The following AGMO variants were observed in gnomAD, a reference collection of about 807,000 sequenced individuals.
AGMO encodes glyceryl-ether monooxygenase.
Under a neutral mutation model 60.2 loss-of-function variants are expected in AGMO, and 75 were observed. That is an observed-to-expected ratio of 1.25 (90% CI 1.03 to 1.51). The LOEUF (loss-of-function observed/expected upper bound fraction) is 1.51. Ranked by LOEUF, AGMO falls within the 40% of genes most tolerant of loss-of-function variation. The pLI is 0.00. For missense variants in AGMO, 763 were observed against 525.5 expected (o/e 1.45, Z -4.42); for synonymous variants, 261 against 177.1 (o/e 1.47, Z -3.76).
At chr7:15,473,750 T>A (rs1439605505) in intron 3 of AGMO, among the ~76,000 whole-genome samples, 4 of 151,946 alleles carry the variant, frequency 2.6e-5, no homozygotes, top group Non-Finnish European at 5.9e-5. Flanking sequence ...GGTATTCAAA[T>A]AGGAAGAGAC....
At chr7:15,268,468 A>T (rs1289925886) in intron 12 of AGMO, among the ~76,000 whole-genome samples, 1 of 152,040 alleles carries the variant, frequency 6.6e-6, no homozygotes, top group African/African-American at 2.4e-5. Context: ...CAAAAAGAAA[A>T]ATGTATGCAT....
At chr7:15,287,138 G>A (rs1044892925) in intron 12 of AGMO, among the ~76,000 whole-genome samples, 3 of 151,992 alleles carry the variant, frequency 2.0e-5, no homozygotes, top group Non-Finnish European at 2.9e-5. Context: ...CACTACTCAG[G>A]TGATGAATGC....
chr7:15,219,284 T>C (rs961799667), intron 12 of AGMO, among the ~76,000 whole-genome samples: 6 of 152,174 alleles, frequency 3.9e-5, no homozygotes, highest in Non-Finnish European at 4.4e-5. Flanking sequence ...AGACATCTAA[T>C]ATAATCTAGA....
At chr7:15,348,967 T>G (rs1023328687) in intron 12 of AGMO, among the ~76,000 whole-genome samples, 3 of 152,156 alleles carry the variant, frequency 2.0e-5, no homozygotes, top group African/African-American at 4.8e-5. Context: ...TGCATTTTGA[T>G]TAAACACTTC....
At chr7:15,219,661 G>A (rs541804118) in intron 12 of AGMO, among the ~76,000 whole-genome samples, 74 of 152,262 alleles carry the variant, frequency 4.9e-4, no homozygotes, top group African/African-American at 1.7e-3. Context: ...AGGCTGTGGT[G>A]TGGAGAATGA....
chr7:15,243,027 G>T (rs1039937991), intron 12 of AGMO, among the ~76,000 whole-genome samples: 1 of 151,918 alleles, frequency 6.6e-6, no homozygotes, highest in Non-Finnish European at 1.5e-5. Context: ...GGAATTTAAT[G>T]TATCACTTTA....
chr7:15,544,580 T>A (rs1784722720), intron 3 of AGMO, among the ~76,000 whole-genome samples, 192 bp downstream of exon 3: 1 of 152,176 alleles, frequency 6.6e-6, no homozygotes, highest in Non-Finnish European at 1.5e-5. Flanking sequence ...TAATTTCATA[T>A]CATTTTTAAA....
intron 2 of AGMO, among the ~76,000 whole-genome samples, chr7:15,554,162 C>G (rs1203179059): frequency 1.3e-5 from 2 of 151,998 alleles, no homozygotes; most frequent in Non-Finnish European, 2.9e-5. Flanking sequence ...TCTCAGAAGA[C>G]CTTGAATCAT....
At chr7:15,376,711 A>C (rs1244190539) in intron 10 of AGMO, among the ~76,000 whole-genome samples, 1 of 152,098 alleles carries the variant, frequency 6.6e-6, no homozygotes, top group African/African-American at 2.4e-5. Flanking sequence ...CTAGTGCAAT[A>C]CATATTATAC....
intron 3 of AGMO, among the ~76,000 whole-genome samples, chr7:15,517,906 A>C (rs1340786785): frequency 6.6e-6 from 1 of 152,170 alleles, no homozygotes; most frequent in Non-Finnish European, 1.5e-5. Flanking sequence ...GAGCCCAGCA[A>C]GCTAAGATCC....
chr7:15,129,346 A>G, the AGMO span, among the ~76,000 whole-genome samples: 19 of 152,088 alleles, frequency 1.2e-4, no homozygotes, highest in African/African-American at 4.1e-4. Flanking sequence ...TTTTATTTCT[A>G]CCATGTAGTT....
intron 5 of AGMO, among the ~76,000 whole-genome samples, chr7:15,414,903 C>A (rs948443922): frequency 6.6e-6 from 1 of 151,960 alleles, no homozygotes; most frequent in African/African-American, 2.4e-5. Flanking sequence ...TTTTTTAAGT[C>A]TCTATAATAA....
intron 3 of AGMO, among the ~76,000 whole-genome samples, chr7:15,533,476 G>A (rs917828145): frequency 6.6e-6 from 1 of 151,956 alleles, no homozygotes; most frequent in African/African-American, 2.4e-5. Context: ...CTATAAATAT[G>A]ATTTATATAT....
intron 10 of AGMO, among the ~76,000 whole-genome samples, chr7:15,374,469 T>C (rs1040697697): frequency 2.6e-5 from 4 of 152,134 alleles, no homozygotes; most frequent in South Asian, 4.1e-4. Context: ...AAAGATTACA[T>C]TGTATTTTAT....
At chr7:15,558,336 C>T (rs1785205879) in intron 2 of AGMO, among the ~76,000 whole-genome samples, 1 of 151,878 alleles carries the variant, frequency 6.6e-6, no homozygotes, top group Non-Finnish European at 1.5e-5. Flanking sequence ...GACCCATAAT[C>T]GTATATACAG....
intron 3 of AGMO, among the ~76,000 whole-genome samples, chr7:15,431,485 G>T (rs988586095): frequency 2.6e-5 from 4 of 151,896 alleles, no homozygotes; most frequent in African/African-American, 9.6e-5. Context: ...ATTTTTCAGC[G>T]TGTGATAACA....
chr7:15,555,435 G>A lies in AGMO; in HGVS notation c.257+4706C>T, dbSNP rs190963016. ...CTGAATCCAGGAGTTTGCACTGCCCGTCTGTAAAGCTACTGCCACTTTTGC... is the reference window on the plus strand; with the variant it reads ...CTGAATCCAGGAGTTTGCACTGCCCATCTGTAAAGCTACTGCCACTTTTGC... On this transcript the variant is annotated intron_variant, in intron 2 of 12. Coordinates refer to ENST00000342526, the MANE Select transcript of AGMO (RefSeq NM_001004320.2). Among the ~76,000 whole-genome samples the A allele has an allele frequency of 9.5e-4, 144 of 151,400 alleles. 1 individual carries two copies. Among genetic ancestry groups the A allele is most frequent in the Admixed American group, 5.7e-3 (87 of 15,184 alleles).
rs1783788428 is a variant in AGMO, at chr7:15,383,658, ATTT to A, written c.1074+1785_1074+1787del. Among the ~76,000 whole-genome samples, 3 of 152,028 alleles carry A rather than the reference ATTT, an allele frequency of 2.0e-5. No homozygotes were observed. In the South Asian group the frequency reaches 6.2e-4, roughly 32 times the overall value. On this transcript the variant is annotated intron_variant, in intron 10 of 12. Coordinates refer to ENST00000342526, the MANE Select transcript of AGMO (RefSeq NM_001004320.2). ...TTAGATTCATTTTTCAGCATATATT[ATTT>A]ATTAATTTCTTTTACTTATGGAGTT...
the AGMO span, among the ~76,000 whole-genome samples, chr7:15,121,873 G>A: frequency 6.6e-6 from 1 of 151,920 alleles, no homozygotes; most frequent in African/African-American, 2.4e-5. Context: ...GCAAAAAACT[G>A]AAACTTCCTA....
Sources: gnomAD v4.1 joint callset for allele counts (sites outside exome capture counted in the v4.1 genomes callset) on GRCh38, gnomAD v4.1.1 for gene constraint, MANE v1.5 for transcripts, NCBI Gene and HGNC (gene_info 2026-07-23, HGNC 2026-07-21) for gene names.